ELOVL7: variants seen among roughly 807,000 people sequenced by gnomAD.
The protein encoded by ELOVL7 is ELOVL fatty acid elongase 7.
A neutral mutation model predicts 35.7 loss-of-function variants in ELOVL7; 27 were observed. That is an observed-to-expected ratio of 0.76 (90% CI 0.56 to 1.04). The LOEUF (loss-of-function observed/expected upper bound fraction) is 1.04. Among genes scored for constraint, ELOVL7 ranks in the 50% least tolerant of loss-of-function variants. The pLI, the probability that ELOVL7 is intolerant of heterozygous loss-of-function variation, is 0.00. For synonymous variants in ELOVL7, 113 were observed against 114.6 expected (o/e 0.99, Z 0.09); for missense variants, 327 against 340.8 (o/e 0.96, Z 0.32).
chr5:60,796,540 G>A (rs972414423), intron 2 of ELOVL7, among the ~76,000 whole-genome samples: 1 of 152,114 alleles, frequency 6.6e-6, no homozygotes, highest in Non-Finnish European at 1.5e-5. Context: ...CGTCCCCTGT[G>A]GGGCAAAATC....
At chr5:60,838,513 G>A (rs193150415) in intron 1 of ELOVL7, among the ~76,000 whole-genome samples, 34 of 152,158 alleles carry the variant, frequency 2.2e-4, no homozygotes, top group Non-Finnish European at 4.6e-4. Flanking sequence ...CTGACACAAA[G>A]CTAACACTCA....
intron 3 of ELOVL7, among the ~76,000 whole-genome samples, chr5:60,774,602 C>T (rs998514801): frequency 2.0e-5 from 3 of 152,054 alleles, no homozygotes; most frequent in Non-Finnish European, 4.4e-5. Flanking sequence ...CAAGGATGCC[C>T]ACTCCTATTC....
At chr5:60,775,189 T>C (rs1277548341) in intron 3 of ELOVL7, among the ~76,000 whole-genome samples, 1 of 152,112 alleles carries the variant, frequency 6.6e-6, no homozygotes, top group Non-Finnish European at 1.5e-5. Context: ...TCTTCAACCC[T>C]CAAGCTGACA....
At chr5:60,817,573 GTGTATATATATA>G (rs1360602606) in intron 1 of ELOVL7, among the ~76,000 whole-genome samples, 3 of 146,042 alleles carry the variant, frequency 2.1e-5, no homozygotes, top group Non-Finnish European at 3.0e-5. Context: ...GTATATATAT[GTGTATATATATA>G]TGTATATATA....
chr5:60,807,945 G>C (rs1328504551), intron 1 of ELOVL7, among the ~76,000 whole-genome samples: 1 of 126,098 alleles, frequency 7.9e-6, no homozygotes, highest in African/African-American at 3.0e-5. Context: ...GCTGCAGTGA[G>C]CCGAGATCAT....
chr5:60,759,374 T>G (rs1016427843), intron 7 of ELOVL7, among the ~76,000 whole-genome samples: 1 of 152,180 alleles, frequency 6.6e-6, no homozygotes, highest in Non-Finnish European at 1.5e-5. Flanking sequence ...AACACATTAT[T>G]GTGGTATAAG....
At chr5:60,840,483 G>A (rs147573267) in intron 1 of ELOVL7, among the ~76,000 whole-genome samples, 1 of 152,152 alleles carries the variant, frequency 6.6e-6, no homozygotes, top group East Asian at 1.9e-4. Context: ...TTTCAGAAGG[G>A]TTCAACACTG....
intron 1 of ELOVL7, among the ~76,000 whole-genome samples, chr5:60,830,363 T>C (rs1240466553): frequency 6.6e-6 from 1 of 151,958 alleles, no homozygotes; most frequent in Non-Finnish European, 1.5e-5. Flanking sequence ...AGTAAAGTAA[T>C]AGTAACTGGG....
chr5:60,829,539 T>A (rs1561472844), intron 1 of ELOVL7, among the ~76,000 whole-genome samples: 1 of 152,104 alleles, frequency 6.6e-6, no homozygotes, highest in Non-Finnish European at 1.5e-5. Context: ...CCATGAAAAA[T>A]ATTAATGAAC....
chr5:60,764,317 G>T lies in ELOVL7; in HGVS notation c.409C>A (p.Arg137Ser). The change falls in exon 7 of 9, where the codon CGC (arginine) becomes AGC (serine). Residue 137 changes from arginine (R) to serine (S), a missense_variant. Physicochemically the swap from Arg to Ser is moderately radical, Grantham distance 110 (BLOSUM62 -1). Transcript: ENST00000508821. ...AAAGTCACTTGGCTATTTTTCTTGCGCAGAACAAAAAAGATCTGAAATAAT... is the reference window on the plus strand; with the variant it reads ...AAAGTCACTTGGCTATTTTTCTTGCTCAGAACAAAAAAGATCTGAAATAAT... ...ELLDTIFFVL[R>S]KKNSQVTFLH... 2 of 1,611,104 alleles carry T rather than the reference G, an allele frequency of 1.2e-6. No homozygotes were observed. Among genetic ancestry groups the T allele is most frequent in the East Asian group, 2.2e-5 (1 of 44,810 alleles).
intron 3 of ELOVL7, among the ~76,000 whole-genome samples, chr5:60,779,658 T>G (rs2112209678): frequency 6.6e-6 from 1 of 152,310 alleles, no homozygotes; most frequent in South Asian, 2.1e-4. Context: ...CCTCCAGGTC[T>G]GTGACGGGAG....
intron 1 of ELOVL7, among the ~76,000 whole-genome samples, chr5:60,838,675 T>TG (rs1243081183): frequency 1.3e-5 from 2 of 152,182 alleles, no homozygotes; most frequent in Non-Finnish European, 2.9e-5. Context: ...GTCTTTAACA[T>TG]GGGGAATTTG....
intron 1 of ELOVL7, among the ~76,000 whole-genome samples, chr5:60,807,124 A>C (rs1744974276): frequency 6.6e-6 from 1 of 151,976 alleles, no homozygotes; most frequent in South Asian, 2.1e-4. Flanking sequence ...AAGTAACCTC[A>C]CATCGGAGGA....
Position 60,757,548 on chromosome 5 carries a change from C to T in ELOVL7, c.597G>A (p.Lys199=). 1.2e-6 allele frequency: 2 copies of T among 1,613,412 alleles called. No homozygotes were observed. The highest frequency in any genetic ancestry group is 1.7e-5 in the Admixed American group (1 of 60,002). The change falls in exon 8 of 9, where the codon AAG becomes AAA. Residue 199 remains lysine (K), a synonymous_variant. Transcript: ENST00000508821. Reference sequence around the variant, plus strand: ...TCAAATATTTTTTCCACCACAAATACTTCTGGTAGGCTGGCCCCAATGCAG... The same window carrying T: ...TCAAATATTTTTTCCACCACAAATATTTCTGGTAGGCTGGCCCCAATGCAG... ...GLSALGPAYQ[K]YLWWKKYLTS...
chr5:60,825,604 A>C (rs1234661836), intron 1 of ELOVL7, among the ~76,000 whole-genome samples: 1 of 152,152 alleles, frequency 6.6e-6, no homozygotes, highest in Non-Finnish European at 1.5e-5. Context: ...CAGACACTGA[A>C]ATATTTGTTG....
chr5:60,800,998 A>T (rs573562303), intron 1 of ELOVL7, among the ~76,000 whole-genome samples: 13 of 152,196 alleles, frequency 8.5e-5, no homozygotes, highest in Middle Eastern at 3.4e-3. Flanking sequence ...CATGGTCATG[A>T]CTCACTGCAG....
At chr5:60,826,777 C>T (rs1746195442) in intron 1 of ELOVL7, among the ~76,000 whole-genome samples, 1 of 152,086 alleles carries the variant, frequency 6.6e-6, no homozygotes, top group Admixed American at 6.5e-5. Flanking sequence ...AGGGGGTTTC[C>T]TTCTGGGTGG....
intron 1 of ELOVL7, among the ~76,000 whole-genome samples, chr5:60,802,031 C>T (rs1167365598): frequency 7.0e-6 from 1 of 143,826 alleles, no homozygotes; most frequent in African/African-American, 2.5e-5. Flanking sequence ...GAGACTTTGC[C>T]CTGTGAGCCA....
chr5:60,832,441 C>G (rs949862567), intron 1 of ELOVL7, among the ~76,000 whole-genome samples: 1 of 152,046 alleles, frequency 6.6e-6, no homozygotes, highest in African/African-American at 2.4e-5. Flanking sequence ...TCTTGGCTCA[C>G]AGCAACCTCT....
Sources: allele counts gnomAD v4.1 joint callset (sites outside exome capture counted in the v4.1 genomes callset), GRCh38; gene constraint gnomAD v4.1.1; transcripts MANE v1.5; gene names NCBI Gene and HGNC (gene_info 2026-07-23, HGNC 2026-07-21).